Variants in CREB1 observed in about 807,000 individuals in gnomAD.
The protein encoded by CREB1 is cAMP responsive element binding protein 1.
A neutral mutation model predicts 42.0 loss-of-function variants in CREB1; 2 were observed. That is an observed-to-expected ratio of 0.05 (90% CI 0.02 to 0.15). The LOEUF is 0.15. Among genes scored for constraint, CREB1 ranks in the 10% least tolerant of loss-of-function variants. The pLI is 1.00. For synonymous variants in CREB1, 123 were observed against 139.9 expected (o/e 0.88, Z 0.85); for missense variants, 199 against 388.9 (o/e 0.51, Z 4.11).
chr2:207,548,717 C>T (rs2081388675), intron 1 of CREB1, among the ~76,000 whole-genome samples: 1 of 152,146 alleles, frequency 6.6e-6, no homozygotes, highest in African/African-American at 2.4e-5. Flanking sequence ...CTCCATTGCA[C>T]TCCAGCCTGG....
In CREB1 at chr2:207,560,250, A is replaced by G; in HGVS notation, c.139A>G (p.Thr47Ala). 6.2e-7 allele frequency: 1 copy of G among 1,612,164 alleles called. No homozygotes were observed. The highest frequency in any genetic ancestry group is 8.5e-7 in the Non-Finnish European group (1 of 1,178,596). Residue 47 changes from threonine to alanine, a missense_variant, in exon 3 of 8, where the codon ACA becomes GCA. By Grantham distance (58) the Thr-to-Ala change is moderately conservative (BLOSUM62 0). Transcript: ENST00000353267. ...GGTATCTATGCCAGCAGCTCATGCA[A>G]CATCATCTGCTCCCACCGTAACTCT... ...AQVSMPAAHA[T>A]SSAPTVTLVQ...
At chr2:207,560,166 A>C (rs1210389515) in intron 2 of CREB1, 60 bp from the exon 3 acceptor site, 2 of 1,439,132 alleles carry the variant, frequency 1.4e-6, no homozygotes, top group Non-Finnish European at 1.9e-6. Context: ...TTCATATTGA[A>C]CATGAGTACT....
rs1166721341 is a variant in CREB1 at position 207,603,277 on chromosome 2, G to A, written c.*6219G>A. On this transcript the variant is annotated 3_prime_UTR_variant, in exon 8 of 8. Transcript: ENST00000353267. ...TAGCTGCTTTGTGTTCAGAATAGTA[G>A]CAGTTGCTTTGTATATTAAAGTGAT... The A allele has an allele frequency of 4.5e-6, 1 of 221,378 alleles. No homozygotes were observed. Among genetic ancestry groups the A allele is most frequent in the Non-Finnish European group, 9.0e-6 (1 of 110,750 alleles). The allele number at this position is 221,378 out of a possible 1,614,324, so 13.7% of individuals were successfully genotyped here.
At chr2:207,560,098 C>T in intron 2 of CREB1, 128 bp from the exon 3 acceptor site, 1 of 732,390 alleles carries the variant, frequency 1.4e-6, no homozygotes, top group East Asian at 2.6e-5. Context: ...TCATTACTTT[C>T]ATATCAGTGA....
At chr2:207,568,324 A>C (rs570012677) in intron 4 of CREB1, among the ~76,000 whole-genome samples, 5 of 152,206 alleles carry the variant, frequency 3.3e-5, no homozygotes, top group African/African-American at 1.2e-4. Context: ...ACTAGCAATA[A>C]ATAGATTTTG....
intron 1 of CREB1, chr2:207,550,363 A>G (rs1007787660): frequency 7.1e-6 from 1 of 141,508 alleles, no homozygotes; most frequent in African/African-American, 2.6e-5. Context: ...AAACCATAGC[A>G]TGTGTTCCAT....
At chr2:207,584,549 C>T (rs996851382) in intron 7 of CREB1, among the ~76,000 whole-genome samples, 1 of 152,114 alleles carries the variant, frequency 6.6e-6, no homozygotes, top group African/African-American at 2.4e-5. Context: ...GGATTACAGG[C>T]ACCTGCCACC....
At chr2:207,560,717 A>G (rs115146500) in intron 3 of CREB1, among the ~76,000 whole-genome samples, 247 of 152,344 alleles carry the variant, frequency 1.6e-3, no homozygotes, top group African/African-American at 5.5e-3. Context: ...TAATTTTCTA[A>G]ATCTGCAATT....
At chr2:207,563,701 T>A (rs890951600) in intron 3 of CREB1, among the ~76,000 whole-genome samples, 2 of 152,154 alleles carry the variant, frequency 1.3e-5, no homozygotes, top group African/African-American at 2.4e-5. Context: ...CCCAGCACTT[T>A]GGGAGGCTGA....
Position 207,588,713 on chromosome 2 carries a change from A to G in CREB1, c.840-8201A>G, listed in dbSNP as rs145455858. Among the ~76,000 whole-genome samples, 20 of 122,114 alleles carry G rather than the reference A, an allele frequency of 1.6e-4. No individual in the cohort carries two copies. The South Asian group carries it at 3.0e-3, about 18-fold the overall frequency. The allele number at this position is 122,114 out of a possible 152,430, so 80.1% of individuals were successfully genotyped here. On this transcript the variant is annotated intron_variant, in intron 7 of 7. Transcript: ENST00000353267. ...TATCTTACTGGATTTATACCCAAGT[A>G]TGAACTGTTTTCTGGTTTTTTTTTT... is the stretch of plus-strand genomic sequence containing the variant.
chr2:207,567,347 G>A (rs2082178012), intron 3 of CREB1, 116 bp from the exon 4 acceptor site: 1 of 637,500 alleles, frequency 1.6e-6, no homozygotes, highest in Non-Finnish European at 2.6e-6. Context: ...CATAAGAACT[G>A]ATTTTTTTCT....
chr2:207,561,275 A>G (rs747319154), intron 3 of CREB1: 376 of 880,350 alleles, frequency 4.3e-4, no homozygotes, highest in Non-Finnish European at 5.9e-4. Flanking sequence ...CACTTGAACA[A>G]AAACCTCAGA....
At chr2:207,536,341 G>C (rs558233621) in intron 1 of CREB1, among the ~76,000 whole-genome samples, 2 of 152,196 alleles carry the variant, frequency 1.3e-5, no homozygotes, top group South Asian at 2.1e-4. Context: ...GATCACCTGA[G>C]GTCAGGAGTT....
intron 5 of CREB1, among the ~76,000 whole-genome samples, 155 bp from the exon 6 acceptor site, chr2:207,575,117 G>A (rs2082524494): frequency 6.6e-6 from 1 of 152,146 alleles, no homozygotes; most frequent in East Asian, 1.9e-4. Context: ...GGTTTCCTGA[G>A]GAGCAAGTTA....
intron 1 of CREB1, among the ~76,000 whole-genome samples, chr2:207,541,337 C>T (rs2081092087): frequency 6.6e-6 from 1 of 152,222 alleles, no homozygotes; most frequent in African/African-American, 2.4e-5. Flanking sequence ...TCTAGTCCTG[C>T]AAGCTCCGTT....
At chr2:207,566,726 A>G (rs893051731) in intron 3 of CREB1, among the ~76,000 whole-genome samples, 1 of 152,164 alleles carries the variant, frequency 6.6e-6, no homozygotes. Flanking sequence ...TATAGTACCC[A>G]TCTGGCGCCT....
chr2:207,557,548 T>A (rs946372942), intron 2 of CREB1, among the ~76,000 whole-genome samples: 2 of 151,792 alleles, frequency 1.3e-5, no homozygotes, highest in African/African-American at 2.4e-5. Flanking sequence ...TGGGTGTGGT[T>A]ATGGGCTCCT....
chr2:207,561,272 A>G, intron 3 of CREB1: 1 of 920,024 alleles, frequency 1.1e-6, no homozygotes, highest in Non-Finnish European at 1.7e-6. Flanking sequence ...CAACACTTGA[A>G]CAAAAACCTC....
chr2:207,533,211 T>TG (rs1448173789), intron 1 of CREB1, among the ~76,000 whole-genome samples: 7 of 143,924 alleles, frequency 4.9e-5, no homozygotes, highest in African/African-American at 1.8e-4. Flanking sequence ...CTGTTTTGAA[T>TG]GATTTTTTTT....
Sources: gnomAD v4.1 joint callset for allele counts (sites outside exome capture counted in the v4.1 genomes callset) on GRCh38, gnomAD v4.1.1 for gene constraint, MANE v1.5 for transcripts, NCBI Gene and HGNC (gene_info 2026-07-23, HGNC 2026-07-21) for gene names.